The following LHFPL6 variants were observed in gnomAD, a reference collection of about 807,000 sequenced individuals.
LHFPL6 encodes LHFPL tetraspan subfamily member 6 protein.
In LHFPL6, 9 loss-of-function variants were observed where a neutral mutation model predicts 20.6. The ratio of observed to expected loss-of-function variants is 0.44; its 90% confidence interval spans 0.26 to 0.76. The LOEUF (loss-of-function observed/expected upper bound fraction) is 0.76, where lower values mean the gene tolerates loss of function less well. Ranked by LOEUF, LHFPL6 falls within the 30% of genes least tolerant of loss-of-function variation. The pLI is 0.20. For synonymous variants in LHFPL6, 105 were observed against 98.7 expected (o/e 1.06, Z -0.38); for missense variants, 218 against 253.5 (o/e 0.86, Z 0.95).
intron 2 of LHFPL6, among the ~76,000 whole-genome samples, chr13:39,547,223 C>A (rs1051382847): frequency 5.9e-5 from 9 of 152,088 alleles, no homozygotes; most frequent in African/African-American, 1.9e-4. Flanking sequence ...AAATCCCAAG[C>A]CCTTTTTACC....
chr13:39,515,563 G>C (rs141618203), intron 2 of LHFPL6, among the ~76,000 whole-genome samples: 25 of 152,262 alleles, frequency 1.6e-4, no homozygotes, highest in African/African-American at 5.5e-4. Flanking sequence ...CTTGCTAAAT[G>C]CTTGCCTTTG....
chr13:39,467,432 A>G (rs1278438603), intron 2 of LHFPL6, among the ~76,000 whole-genome samples: 4 of 152,200 alleles, frequency 2.6e-5, no homozygotes, highest in Admixed American at 2.6e-4. Context: ...GTTGGGGCTC[A>G]GCAAACAATA....
chr13:39,421,461 A>T (rs1424573678), intron 2 of LHFPL6, among the ~76,000 whole-genome samples: 1 of 152,204 alleles, frequency 6.6e-6, no homozygotes, highest in Non-Finnish European at 1.5e-5. Flanking sequence ...TAATAAAAAA[A>T]TTAAAAAAAA....
At chr13:39,472,882 A>T (rs1405063841) in intron 2 of LHFPL6, among the ~76,000 whole-genome samples, 2 of 152,182 alleles carry the variant, frequency 1.3e-5, no homozygotes, top group Admixed American at 6.5e-5. Context: ...AATTGCTGGG[A>T]TTACAGGCGT....
At chr13:39,374,837 T>A (rs1870246320) in intron 3 of LHFPL6, among the ~76,000 whole-genome samples, 1 of 152,236 alleles carries the variant, frequency 6.6e-6, no homozygotes, top group African/African-American at 2.4e-5. Context: ...GTGAATAGTG[T>A]CATTTTTTAT....
chr13:39,418,635 C>T (rs1037055991), intron 2 of LHFPL6, among the ~76,000 whole-genome samples: 2 of 152,128 alleles, frequency 1.3e-5, no homozygotes, highest in African/African-American at 4.8e-5. Flanking sequence ...TAAAGATCGG[C>T]AAGGCCCCTC....
intron 2 of LHFPL6, among the ~76,000 whole-genome samples, chr13:39,467,161 G>GTTCCCCTTAACTGCCC (rs1447910795): frequency 3.3e-5 from 5 of 151,914 alleles, no homozygotes; most frequent in Non-Finnish European, 7.4e-5. Flanking sequence ...CTTAACTGCC[G>GTTCCCCTTAACTGCCC]TTATTCATCT....
chr13:39,444,281 C>T (rs757599825), intron 2 of LHFPL6, among the ~76,000 whole-genome samples: 3 of 152,056 alleles, frequency 2.0e-5, no homozygotes, highest in Non-Finnish European at 4.4e-5. Flanking sequence ...ATAATTAAAA[C>T]GAAAGCAGAA....
chr13:39,490,377 T>C (rs530184654), intron 2 of LHFPL6, among the ~76,000 whole-genome samples: 1 of 152,288 alleles, frequency 6.6e-6, no homozygotes, highest in South Asian at 2.1e-4. Context: ...ATAAAAATCA[T>C]AGTCTCTAAG....
intron 2 of LHFPL6, among the ~76,000 whole-genome samples, chr13:39,499,238 T>C (rs546220018): frequency 3.1e-5 from 4 of 128,856 alleles, no homozygotes; most frequent in African/African-American, 8.1e-5. Context: ...ACTCAAGGCA[T>C]GGCAATGAGC....
chr13:39,520,494 T>TC (rs1217934660), intron 2 of LHFPL6, among the ~76,000 whole-genome samples: 1 of 152,054 alleles, frequency 6.6e-6, no homozygotes, highest in African/African-American at 2.4e-5. Context: ...AAGGCTTCAA[T>TC]CCCCATATGT....
intron 2 of LHFPL6, among the ~76,000 whole-genome samples, chr13:39,562,401 T>C (rs78270250): frequency 1.2e-3 from 36 of 29,128 alleles, no homozygotes; most frequent in Middle Eastern, 0.014. Flanking sequence ...TATATATACA[T>C]ATATACACAT....
chr13:39,433,433 A>G (rs1871869703), intron 2 of LHFPL6, among the ~76,000 whole-genome samples: 1 of 152,232 alleles, frequency 6.6e-6, no homozygotes. Flanking sequence ...TAAAGTAAAG[A>G]GCATGTAACA....
intron 2 of LHFPL6, among the ~76,000 whole-genome samples, chr13:39,532,540 T>C (rs1287780685): frequency 6.6e-6 from 1 of 152,216 alleles, no homozygotes; most frequent in African/African-American, 2.4e-5. Flanking sequence ...TCCTTTTTAC[T>C]TGTACCATGT....
At chr13:39,565,633 C>T (rs981878528) in intron 2 of LHFPL6, among the ~76,000 whole-genome samples, 1 of 152,216 alleles carries the variant, frequency 6.6e-6, no homozygotes, top group African/African-American at 2.4e-5. Context: ...TCTGAATGAA[C>T]ATTTGATTAT....
At position 39,369,789 on chromosome 13, in the gene LHFPL6, G is replaced by A. The variant is rs547028637; in HGVS notation, c.484+8639C>T. 4.6e-5 allele frequency among the ~76,000 whole-genome samples: 7 copies of A among 152,188 alleles called. No individual in the cohort carries two copies. The South Asian group carries it at 1.5e-3, about 32-fold the overall frequency. On this transcript the variant is annotated intron_variant, in intron 3 of 3. Coordinates refer to ENST00000379589, the MANE Select transcript of LHFPL6 (RefSeq NM_005780.3). ...AATAAATATTTGCTTGAGGAAGTAA[G>A]TGAATCTATTGAACACCAAACACCA... is the stretch of plus-strand genomic sequence containing the variant.
At chr13:39,478,989 T>C (rs1868401849) in intron 2 of LHFPL6, among the ~76,000 whole-genome samples, 1 of 150,776 alleles carries the variant, frequency 6.6e-6, no homozygotes, top group Non-Finnish European at 1.5e-5. Flanking sequence ...ATATATAAAA[T>C]GAGATTTCTT....
At chr13:39,569,160 T>TGGACGGACGGACGGAC (rs1871829241) in intron 2 of LHFPL6, among the ~76,000 whole-genome samples, 3 of 100,708 alleles carry the variant, frequency 3.0e-5, no homozygotes, top group Non-Finnish European at 6.2e-5. Context: ...GACGGACGGA[T>TGGACGGACGGACGGAC]GGATGGATGG....
rs528118172 is a variant in LHFPL6 at position 39,568,516 on chromosome 13, A to T, written c.385+32316T>A. ...ACCATATATATCTGCCTATATAAAT[A>T]AAAAAACCTAACCCAAATAAAATCA... On this transcript the variant is annotated intron_variant, in intron 2 of 3. Transcript: ENST00000379589. Among the ~76,000 whole-genome samples the T allele has an allele frequency of 2.0e-5, 3 of 152,310 alleles. No individual in the cohort carries two copies. The South Asian group carries it at 6.2e-4, about 32-fold the overall frequency.
Sources: gnomAD v4.1 joint callset for allele counts (sites outside exome capture counted in the v4.1 genomes callset) on GRCh38, gnomAD v4.1.1 for gene constraint, MANE v1.5 for transcripts, NCBI Gene and HGNC (gene_info 2026-07-23, HGNC 2026-07-21) for gene names.